PTPRN2: variants seen among roughly 807,000 people sequenced by gnomAD.
PTPRN2 encodes receptor-type tyrosine-protein phosphatase N2.
In PTPRN2, 74 loss-of-function variants were observed where a neutral mutation model predicts 118.8. The ratio of observed to expected loss-of-function variants is 0.62; its 90% CI spans 0.52 to 0.76. The LOEUF is 0.76. PTPRN2 is among the 30% of genes least tolerant of loss of function. The pLI, the probability that PTPRN2 is intolerant of heterozygous loss-of-function variation, is 0.00. For synonymous variants in PTPRN2, 641 were observed against 608.0 expected, an observed-to-expected ratio of 1.05 and a Z score of -0.80; for missense variants, 1,481 against 1,394.4, an observed-to-expected ratio of 1.06 and a Z score of -0.99.
intron 12 of PTPRN2, among the ~76,000 whole-genome samples, chr7:157,786,165 C>T (rs549361913): frequency 6.6e-6 from 1 of 152,206 alleles, no homozygotes; most frequent in Non-Finnish European, 1.5e-5. Flanking sequence ...GTGGGGTTCT[C>T]CCTGCTCACA....
Position 157,964,918 on chromosome 7 carries a change from T to C in PTPRN2, c.1724-66181A>G, listed in dbSNP as rs1243609780. Among the ~76,000 whole-genome samples, 1 of 152,182 alleles carries C rather than the reference T, an allele frequency of 6.6e-6. No individual in the cohort carries two copies. Among genetic ancestry groups the C allele is most frequent in the Non-Finnish European group, 1.5e-5 (1 of 68,028 alleles). ...CTGCACTCTGTCAGTTGGGCCATGG[T>C]ATAATTTATGTTCAACAGAGACCTT... On this transcript the variant is annotated intron_variant, in intron 11 of 22. Coordinates refer to ENST00000389418, the MANE Select transcript of PTPRN2 (RefSeq NM_002847.5). This position sits in a 1 kb window ranked among gnomAD's most constrained non-coding sequence, Gnocchi z 9.0.
At chr7:158,575,922 G>T (rs1029747515) in intron 1 of PTPRN2, among the ~76,000 whole-genome samples, 2 of 152,004 alleles carry the variant, frequency 1.3e-5, no homozygotes, top group African/African-American at 4.8e-5. Flanking sequence ...ACTAAACCAA[G>T]AATCTAATCT....
intron 21 of PTPRN2, among the ~76,000 whole-genome samples, chr7:157,559,127 G>T (rs1799051242): frequency 6.6e-6 from 1 of 152,240 alleles, no homozygotes; most frequent in Non-Finnish European, 1.5e-5. Context: ...GGGACAGCGT[G>T]TGACCCCCTG....
intron 1 of PTPRN2, among the ~76,000 whole-genome samples, chr7:158,554,352 G>A (rs559404542): frequency 4.9e-4 from 74 of 152,334 alleles, no homozygotes; most frequent in Admixed American, 2.9e-3. Context: ...GAAACCAGGA[G>A]ACAATTGGTT....
At position 157,763,629 on chromosome 7, in the gene PTPRN2, C is replaced by A. The variant is rs1802277206; in HGVS notation, c.1789-80692G>T. Among the ~76,000 whole-genome samples the A allele has an allele frequency of 6.6e-6, 1 of 152,098 alleles. No individual in the cohort carries two copies. Among genetic ancestry groups the A allele is most frequent in the Non-Finnish European group, 1.5e-5 (1 of 68,034 alleles). The stretch of plus-strand genomic sequence containing the variant: ...CCCTAACCTGACTGCAGATTAAATT[C>A]TTCTGGAAATCTTAGCCTGCCTCAC... On this transcript the variant is annotated intron_variant, in intron 12 of 22. Coordinates refer to ENST00000389418, the MANE Select transcript of PTPRN2 (RefSeq NM_002847.5). This position sits in a 1 kb window ranked among gnomAD's most constrained non-coding sequence, Gnocchi z 4.9.
intron 2 of PTPRN2, among the ~76,000 whole-genome samples, chr7:158,475,633 C>T (rs1056282182): frequency 9.9e-5 from 15 of 152,138 alleles, no homozygotes; most frequent in Admixed American, 2.6e-4. Flanking sequence ...TTAGGACATG[C>T]CCCTGCTGGG....
intron 11 of PTPRN2, among the ~76,000 whole-genome samples, chr7:158,024,892 A>C (rs1392633006): frequency 6.6e-6 from 1 of 152,216 alleles, no homozygotes; most frequent in African/African-American, 2.4e-5. Context: ...TAAGCAACAA[A>C]ATTTACCTAA....
intron 5 of PTPRN2, among the ~76,000 whole-genome samples, chr7:158,169,849 G>A (rs1283441637): frequency 6.6e-6 from 1 of 150,932 alleles, no homozygotes; most frequent in African/African-American, 2.4e-5. Context: ...CCTTCACCAC[G>A]CCCTGCTAAT....
chr7:158,397,589 A>G (rs1812616014), intron 2 of PTPRN2, among the ~76,000 whole-genome samples: 1 of 152,164 alleles, frequency 6.6e-6, no homozygotes. Context: ...CACCCAGGAA[A>G]GCTGGGGGCC....
intron 12 of PTPRN2, chr7:157,740,312 C>T (rs934560383): frequency 1.3e-5 from 2 of 152,146 alleles, no homozygotes; most frequent in South Asian, 2.1e-4. Flanking sequence ...CTCAGAAAAG[C>T]CACCAGAGAA....
intron 21 of PTPRN2, among the ~76,000 whole-genome samples, chr7:157,553,115 A>G (rs545655022): frequency 2.0e-4 from 31 of 152,260 alleles, no homozygotes; most frequent in African/African-American, 7.2e-4. Context: ...TGTGGTATAA[A>G]TAGTCTGACT....
chr7:158,350,183 G>A (rs1807818901), intron 2 of PTPRN2, among the ~76,000 whole-genome samples: 1 of 152,338 alleles, frequency 6.6e-6, no homozygotes, highest in Non-Finnish European at 1.5e-5. Context: ...CACAGATGGA[G>A]GCTCCATTGA....
rs910518500 is a variant in PTPRN2, at chr7:157,845,242, T to C, written c.1788+53431A>G. 1.8e-4 allele frequency among the ~76,000 whole-genome samples: 27 copies of C among 152,320 alleles called. No individual in the cohort carries two copies. The highest frequency in any genetic ancestry group is 6.3e-4 in the African/African-American group (26 of 41,556). On this transcript the variant is annotated intron_variant, in intron 12 of 22. Coordinates refer to ENST00000389418, the MANE Select transcript of PTPRN2 (RefSeq NM_002847.5). The surrounding 1 kb of genome is among the most constrained non-coding windows in gnomAD (Gnocchi z 4.5). ...GAATACACTAGCACCCTTAGCCAGC[T>C]GTAGGAAAAAAATGCATGGCAGATA...
At chr7:157,781,241 C>T (rs1032725960) in intron 12 of PTPRN2, among the ~76,000 whole-genome samples, 1 of 152,208 alleles carries the variant, frequency 6.6e-6, no homozygotes, top group Non-Finnish European at 1.5e-5. Flanking sequence ...ATATATTACA[C>T]ATGGGCTAGT....
Position 157,834,404 on chromosome 7 carries a change from T to G in PTPRN2, c.1788+64269A>C, listed in dbSNP as rs1350429193. On this transcript the variant is annotated intron_variant, in intron 12 of 22. Coordinates refer to ENST00000389418, the MANE Select transcript of PTPRN2 (RefSeq NM_002847.5). The stretch of plus-strand genomic sequence containing the variant: ...CACTCCCTGTGATCAATCCATCAAT[T>G]CCACCCACCAATCAGTGAGCCAGCA... Among the ~76,000 whole-genome samples the G allele has an allele frequency of 3.6e-3, 217 of 60,618 alleles. 3 individuals are homozygous for G. The highest frequency in any genetic ancestry group is 0.021 in the African/African-American group (205 of 9,792). The allele number at this position is 60,618 out of a possible 152,430, so 39.8% of individuals were successfully genotyped here.
intron 2 of PTPRN2, among the ~76,000 whole-genome samples, chr7:158,417,359 G>A (rs192257306): frequency 4.6e-5 from 7 of 150,596 alleles, no homozygotes; most frequent in Non-Finnish European, 7.4e-5. Flanking sequence ...CCGCTGTGCT[G>A]TCATGGTGTA....
At chr7:158,351,157 C>T (rs1482833319) in intron 2 of PTPRN2, among the ~76,000 whole-genome samples, 2 of 152,216 alleles carry the variant, frequency 1.3e-5, no homozygotes, top group Non-Finnish European at 2.9e-5. Flanking sequence ...CGGCATCTCT[C>T]GCCACCTCGA....
At chr7:158,458,642 C>G (rs963236497) in intron 2 of PTPRN2, among the ~76,000 whole-genome samples, 2 of 152,208 alleles carry the variant, frequency 1.3e-5, no homozygotes, top group Non-Finnish European at 2.9e-5. Flanking sequence ...GAACCATGAT[C>G]GTCCCCACTG....
chr7:158,505,826 T>A (rs1822706682), intron 1 of PTPRN2, among the ~76,000 whole-genome samples: 1 of 152,160 alleles, frequency 6.6e-6, no homozygotes, highest in Non-Finnish European at 1.5e-5. Flanking sequence ...CTTAAGGGGT[T>A]CAATGTGGTG....
Sources: allele counts gnomAD v4.1 joint callset (sites outside exome capture counted in the v4.1 genomes callset), GRCh38; gene constraint gnomAD v4.1.1; non-coding constraint Gnocchi (gnomAD v3.1); transcripts MANE v1.5; gene names NCBI Gene and HGNC (gene_info 2026-07-23, HGNC 2026-07-21).